ATP6V1C1: variants seen among roughly 807,000 people sequenced by gnomAD.
ATP6V1C1 encodes the protein ATPase H+ transporting V1 subunit C1, also known as V-type proton ATPase subunit C 1.
In ATP6V1C1, 45 loss-of-function variants were observed where a neutral mutation model predicts 53.9. The observed-to-expected ratio is 0.83, with a 90% CI of 0.66 to 1.07. The LOEUF (loss-of-function observed/expected upper bound fraction) is 1.07. Ranked by LOEUF, ATP6V1C1 falls within the 50% of genes least tolerant of loss-of-function variation. The pLI is 0.00. For missense variants in ATP6V1C1, 315 were observed against 440.3 expected, an observed-to-expected ratio of 0.72 and a Z score of 2.55; for synonymous variants, 153 against 155.2, an observed-to-expected ratio of 0.99 and a Z score of 0.11.
At chr8:103,035,442 C>T (rs1816877537) in intron 1 of ATP6V1C1, among the ~76,000 whole-genome samples, 1 of 152,102 alleles carries the variant, frequency 6.6e-6, no homozygotes, top group Non-Finnish European at 1.5e-5. Flanking sequence ...ATGATTCTAG[C>T]TCTTCAGGAT....
chr8:103,021,790 G>C (rs1816598708), intron 1 of ATP6V1C1, among the ~76,000 whole-genome samples: 1 of 152,150 alleles, frequency 6.6e-6, no homozygotes, highest in Non-Finnish European at 1.5e-5. Flanking sequence ...AGTAGAATGG[G>C]GGAGGGTAGG....
chr8:103,033,377 G>A (rs1816832263), intron 1 of ATP6V1C1, among the ~76,000 whole-genome samples: 1 of 152,110 alleles, frequency 6.6e-6, no homozygotes, highest in Non-Finnish European at 1.5e-5. Context: ...GGAAGTGAGG[G>A]AAGCTAACCA....
chr8:103,062,335 T>C (rs1293195817), intron 8 of ATP6V1C1, among the ~76,000 whole-genome samples: 1 of 151,842 alleles, frequency 6.6e-6, no homozygotes, highest in Non-Finnish European at 1.5e-5. Flanking sequence ...CACGCCTGGC[T>C]AGTTTTTGTA....
chr8:103,045,673 G>A (rs1321383659), intron 3 of ATP6V1C1, among the ~76,000 whole-genome samples: 1 of 148,042 alleles, frequency 6.8e-6, no homozygotes, highest in African/African-American at 2.4e-5. Flanking sequence ...CGGGCATGGT[G>A]GCTCACGCCT....
chr8:103,040,529 C>T (rs1016383106), intron 1 of ATP6V1C1, among the ~76,000 whole-genome samples: 2 of 152,064 alleles, frequency 1.3e-5, no homozygotes, highest in Admixed American at 1.3e-4. Flanking sequence ...GGCTAACTCC[C>T]GTTAAGGATG....
In ATP6V1C1 at chr8:103,053,965, A is replaced by G. The variant is rs1257542860; in HGVS notation, c.555A>G (p.Leu185=). 6.2e-7 allele frequency: 1 copy of G among 1,608,800 alleles called. No homozygotes were observed. Among genetic ancestry groups the G allele is most frequent in the African/African-American group, 1.3e-5 (1 of 74,848 alleles). Residue 185 remains leucine (L), a synonymous_variant, in exon 7 of 13, where the codon TTA becomes TTG. Coordinates refer to ENST00000518738, the MANE Select transcript of ATP6V1C1 (RefSeq NM_001695.5). ...TTGATTCAGAGTATCTCGTCACATT[A>G]CTGGTAGTAGTTCCCAAGTAAGTCT... The part of the protein sequence containing the change: ...FVLDSEYLVT[L]LVVVPKLNHN...
intron 3 of ATP6V1C1, among the ~76,000 whole-genome samples, chr8:103,045,352 G>A (rs566551797): frequency 5.1e-4 from 77 of 152,256 alleles, no homozygotes; most frequent in African/African-American, 1.7e-3. Context: ...GAAGTAAACA[G>A]ATCTAAGGAT....
chr8:103,059,662 C>T (rs1192497675), intron 8 of ATP6V1C1, among the ~76,000 whole-genome samples: 1 of 151,924 alleles, frequency 6.6e-6, no homozygotes, highest in African/African-American at 2.4e-5. Context: ...GTTAAATCTA[C>T]TCTCCCCACT....
chr8:103,054,065 C>A, intron 7 of ATP6V1C1, 83 bp downstream of exon 7: 1 of 1,094,560 alleles, frequency 9.1e-7, no homozygotes, highest in South Asian at 1.6e-5. Flanking sequence ...TGAAGTTTTC[C>A]ATAAAATCCA....
intron 3 of ATP6V1C1, among the ~76,000 whole-genome samples, chr8:103,048,207 G>A (rs993193914): frequency 6.6e-6 from 1 of 152,204 alleles, no homozygotes; most frequent in African/African-American, 2.4e-5. Flanking sequence ...AAGGTCATAT[G>A]TAGGTGACTT....
intron 8 of ATP6V1C1, among the ~76,000 whole-genome samples, chr8:103,059,670 A>G (rs1423347020): frequency 6.7e-6 from 1 of 150,030 alleles, no homozygotes; most frequent in Non-Finnish European, 1.5e-5. Context: ...TACTCTCCCC[A>G]CTCCCCCAAG....
intron 1 of ATP6V1C1, among the ~76,000 whole-genome samples, chr8:103,034,774 T>C (rs1044339165): frequency 6.6e-6 from 1 of 152,084 alleles, no homozygotes; most frequent in Non-Finnish European, 1.5e-5. Context: ...TTTTGTCATG[T>C]TGGGCAGGCA....
At chr8:103,061,710 C>T (rs1026129547) in intron 8 of ATP6V1C1, among the ~76,000 whole-genome samples, 2 of 152,150 alleles carry the variant, frequency 1.3e-5, no homozygotes, top group Non-Finnish European at 2.9e-5. Flanking sequence ...ACGATTATAT[C>T]TCAGTAAAGC....
chr8:103,057,505 T>C (rs917602580), intron 8 of ATP6V1C1, among the ~76,000 whole-genome samples: 5 of 152,232 alleles, frequency 3.3e-5, no homozygotes, highest in African/African-American at 9.6e-5. Flanking sequence ...TCTGGTCCTT[T>C]TGTTACTTAG....
At position 103,041,789 on chromosome 8, in the gene ATP6V1C1, T is replaced by C. The variant is rs192854178; in HGVS notation, c.133-551T>C. On this transcript the variant is annotated intron_variant, in intron 2 of 12. Coordinates refer to ENST00000518738, the MANE Select transcript of ATP6V1C1 (RefSeq NM_001695.5). ...TGGGAGGCTGAGGCAAGAGAATCGC[T>C]TGAATCTAGGAGGTGGAGGTTGCAG... 1.5e-3 allele frequency among the ~76,000 whole-genome samples: 223 copies of C among 152,192 alleles called. 3 individuals carry two copies. Among genetic ancestry groups the C allele is most frequent in the Non-Finnish European group, 2.7e-3 (182 of 68,014 alleles).
chr8:103,025,343 A>G (rs754612977), intron 1 of ATP6V1C1, among the ~76,000 whole-genome samples: 6 of 152,204 alleles, frequency 3.9e-5, no homozygotes, highest in Non-Finnish European at 8.8e-5. Flanking sequence ...GGACAACCCA[A>G]AATGCTCCCA....
At chr8:103,025,601 G>C (rs2131379546) in intron 1 of ATP6V1C1, among the ~76,000 whole-genome samples, 1 of 152,268 alleles carries the variant, frequency 6.6e-6, no homozygotes, top group South Asian at 2.1e-4. Context: ...CTTGTCTTTT[G>C]TAAAACTGCA....
chr8:103,031,848 C>CA (rs1258931403), intron 1 of ATP6V1C1, among the ~76,000 whole-genome samples: 1 of 150,544 alleles, frequency 6.6e-6, no homozygotes, highest in Non-Finnish European at 1.5e-5. Context: ...GAAGTGAAGG[C>CA]AAAAAAAATT....
At chr8:103,064,839 A>C (rs754584617) in intron 11 of ATP6V1C1, 28 bp downstream of exon 11, 3 of 1,595,116 alleles carry the variant, frequency 1.9e-6, no homozygotes, top group Non-Finnish European at 8.6e-7. Flanking sequence ...CCAAACTTGG[A>C]ACTGAAGAGT....
Sources: gnomAD v4.1 joint callset for allele counts (sites outside exome capture counted in the v4.1 genomes callset) on GRCh38, gnomAD v4.1.1 for gene constraint, MANE v1.5 for transcripts, NCBI Gene and HGNC (gene_info 2026-07-23, HGNC 2026-07-21) for gene names.